The following FSHB variants were observed in gnomAD, a reference collection of about 807,000 sequenced individuals.
FSHB encodes follicle stimulating hormone subunit beta.
A neutral mutation model predicts 12.1 loss-of-function variants in FSHB; 8 were observed. The observed-to-expected ratio is 0.66, with a 90% confidence interval of 0.39 to 1.19. The LOEUF (loss-of-function observed/expected upper bound fraction) is 1.19. FSHB is among the 50% of genes most tolerant of loss of function. The pLI, the probability that FSHB is intolerant of heterozygous loss-of-function variation, is 0.01. For synonymous variants in FSHB, 55 were observed against 54.6 expected (o/e 1.01, Z -0.04); for missense variants, 153 against 157.2 (o/e 0.97, Z 0.14).
rs1015758826 is a variant in FSHB, at chr11:30,233,492, A to G, written c.160-78A>G. On this transcript the variant is annotated intron_variant, in intron 2 of 2. Coordinates refer to ENST00000533718, the MANE Select transcript of FSHB (RefSeq NM_001382289.1). ...GTAAATGTTAGAGCAAGCAGTATTCAATTTCTGTCTCATTTTGACTAAGCT... is the reference window on the plus strand; with the variant it reads ...GTAAATGTTAGAGCAAGCAGTATTCGATTTCTGTCTCATTTTGACTAAGCT... 3 of 1,102,536 alleles carry G rather than the reference A, an allele frequency of 2.7e-6. No individual in the cohort carries two copies. The African/African-American group carries it at 4.6e-5, about 17-fold the overall frequency. The allele number at this position is 1,102,536 out of a possible 1,614,324, so 68.3% of individuals were successfully genotyped here.
chr11:30,232,822 C>T (rs543626695), intron 2 of FSHB, among the ~76,000 whole-genome samples: 91 of 152,208 alleles, frequency 6.0e-4, no homozygotes, highest in Non-Finnish European at 9.9e-4. Flanking sequence ...CTTTATTTGA[C>T]GGTAAATGAG....
At chr11:30,232,127 T>C (rs1852017003) in intron 2 of FSHB, 66 bp downstream of exon 2, 1 of 1,500,930 alleles carries the variant, frequency 6.7e-7, no homozygotes, top group Non-Finnish European at 9.2e-7. Context: ...TTCATTAGTT[T>C]CTACTTTATC....
intron 1 of FSHB, 126 bp downstream of exon 1, chr11:30,231,174 C>T (rs1250562672): frequency 1.3e-5 from 2 of 152,214 alleles, no homozygotes; most frequent in Admixed American, 6.5e-5. Flanking sequence ...TGCTTGTCAA[C>T]CTGGCTTGTA....
rs1852053879 is a variant in FSHB at position 30,234,360 on chromosome 11, C to A, written c.*560C>A. The stretch of plus-strand genomic sequence containing the variant: ...GCTGATGAGGCTGCCCGCAGCCACA[C>A]CAGTCCCATGAAAGTTAGTGGCATC... On this transcript the variant is annotated 3_prime_UTR_variant, in exon 3 of 3. Transcript: ENST00000533718. The A allele has an allele frequency of 6.1e-6, 1 of 164,484 alleles. No individual in the cohort carries two copies. Among genetic ancestry groups the A allele is most frequent in the Admixed American group, 5.6e-5 (1 of 17,730 alleles). 10.2% of individuals were successfully genotyped at this position (164,484 alleles called of 1,614,324 possible).
chr11:30,232,161 C>G (rs1021507184), intron 2 of FSHB, 100 bp downstream of exon 2: 9 of 1,213,056 alleles, frequency 7.4e-6, no homozygotes, highest in Non-Finnish European at 1.1e-5. Context: ...TTCTAAGTAA[C>G]AGCCATGAGT....
rs2133652972 is a variant in FSHB, at chr11:30,234,969, A to T, written c.*1169A>T. The T allele has an allele frequency of 6.6e-6, 1 of 152,280 alleles. No homozygotes were observed. Among genetic ancestry groups the T allele is most frequent in the South Asian group, 2.1e-4 (1 of 4,826 alleles). 9.4% of individuals were successfully genotyped at this position (152,280 alleles called of 1,614,324 possible). A position where few individuals can be genotyped will look rare whatever the true frequency, so the allele number is the denominator to read the frequency against. ...TGTTAACTGTCTTAGTTATGCACTC[A>T]GTTTCACACTCATATTGTTTAACTA... On this transcript the variant is annotated 3_prime_UTR_variant, in exon 3 of 3. Coordinates refer to ENST00000533718, the MANE Select transcript of FSHB (RefSeq NM_001382289.1).
rs1348443111 is a variant in FSHB, at chr11:30,234,743, T to C, written c.*943T>C. On this transcript the variant is annotated 3_prime_UTR_variant, in exon 3 of 3. Transcript: ENST00000533718. ...GTTTCAGCAATTTAATAAATATAAT[T>C]AATTTGTCTACAAATATATTTGTAT... is the stretch of plus-strand genomic sequence containing the variant. 6.6e-6 allele frequency: 1 copy of C among 152,170 alleles called. No homozygotes were observed. The highest frequency in any genetic ancestry group is 2.4e-5 in the African/African-American group (1 of 41,428). The allele number at this position is 152,170 out of a possible 1,614,324, so 9.4% of individuals were successfully genotyped here.
Position 30,233,721 on chromosome 11 carries a change from AG to A in FSHB, c.312del (p.Lys104AsnfsTer24), listed in dbSNP as rs1187347919. ...GTGGCCACCCAGTGTCACTGTGGCA[AG>A]TGTGACAGCGACAGCACTGATTGTA... is the stretch of plus-strand genomic sequence containing the variant. ...YPVATQCHCG[K>X]CDSDSTDCTV... On this transcript the variant is annotated frameshift_variant, in exon 3 of 3. Coordinates refer to ENST00000533718, the MANE Select transcript of FSHB (RefSeq NM_001382289.1). LOFTEE classifies it high-confidence loss of function. The A allele has an allele frequency of 6.2e-7, 1 of 1,614,066 alleles. No homozygotes were observed. The highest frequency in any genetic ancestry group is 8.5e-7 in the Non-Finnish European group (1 of 1,179,948).
chr11:30,232,085 G>C (rs766088508), intron 2 of FSHB, 24 bp downstream of exon 2: 1 of 1,613,058 alleles, frequency 6.2e-7, no homozygotes, highest in Non-Finnish European at 8.5e-7. Context: ...TTTGCTGGAA[G>C]CAAGGGTGTT....
rs956201179 is a variant in FSHB, at chr11:30,233,902, CA to C, written c.*103del. The C allele has an allele frequency of 1.1e-6, 1 of 923,958 alleles. No individual in the cohort carries two copies. The highest frequency in any genetic ancestry group is 1.6e-5 in the African/African-American group (1 of 61,320). 57.2% of individuals were successfully genotyped at this position (923,958 alleles called of 1,614,324 possible). A position where few individuals can be genotyped will look rare whatever the true frequency, so the allele number is the denominator to read the frequency against. Reference sequence around the variant, plus strand: ...GTGCCCAGGGGACAAACCACTGGATCAGGGGATTCAGACTCTACTGATCCCT... The same window carrying C: ...GTGCCCAGGGGACAAACCACTGGATCGGGGATTCAGACTCTACTGATCCCT... On this transcript the variant is annotated 3_prime_UTR_variant, in exon 3 of 3. Coordinates refer to ENST00000533718, the MANE Select transcript of FSHB (RefSeq NM_001382289.1).
At chr11:30,232,924 T>C (rs1852028526) in intron 2 of FSHB, among the ~76,000 whole-genome samples, 1 of 152,176 alleles carries the variant, frequency 6.6e-6, no homozygotes, top group South Asian at 2.1e-4. Flanking sequence ...AAGCCCCAAT[T>C]TCTCTACGCA....
At chr11:30,232,317 C>T (rs1231178764) in intron 2 of FSHB, among the ~76,000 whole-genome samples, 1 of 152,080 alleles carries the variant, frequency 6.6e-6, no homozygotes, top group Non-Finnish European at 1.5e-5. Flanking sequence ...TTTGCATCTA[C>T]AGGGAAAAAG....
chr11:30,231,602 A>C (rs1852006726), intron 1 of FSHB, among the ~76,000 whole-genome samples: 1 of 152,244 alleles, frequency 6.6e-6, no homozygotes, highest in Non-Finnish European at 1.5e-5. Context: ...ACTTTATGAC[A>C]GTCAGCAATA....
rs868461621 is a variant in FSHB, at chr11:30,233,484, C to T, written c.160-86C>T. On this transcript the variant is annotated intron_variant, in intron 2 of 2. Transcript: ENST00000533718. ...TTTAATGGGTAAATGTTAGAGCAAGCAGTATTCAATTTCTGTCTCATTTTG... is the reference window on the plus strand; with the variant it reads ...TTTAATGGGTAAATGTTAGAGCAAGTAGTATTCAATTTCTGTCTCATTTTG... 22 of 971,270 alleles carry T rather than the reference C, an allele frequency of 2.3e-5. No individual in the cohort carries two copies. The Middle Eastern group carries it at 1.3e-3, about 59-fold the overall frequency. The allele number at this position is 971,270 out of a possible 1,614,324, so 60.2% of individuals were successfully genotyped here.
At position 30,235,143 on chromosome 11, in the gene FSHB, A is replaced by G. The variant is rs1852065460; in HGVS notation, c.*1343A>G. The G allele has an allele frequency of 6.6e-6, 1 of 152,172 alleles. No individual in the cohort carries two copies. Among genetic ancestry groups the G allele is most frequent in the Admixed American group, 6.6e-5 (1 of 15,258 alleles). 9.4% of individuals were successfully genotyped at this position (152,172 alleles called of 1,614,324 possible). A position where few individuals can be genotyped will look rare whatever the true frequency, so the allele number is the denominator to read the frequency against. On this transcript the variant is annotated 3_prime_UTR_variant, in exon 3 of 3. Coordinates refer to ENST00000533718, the MANE Select transcript of FSHB (RefSeq NM_001382289.1). ...TTAAAATATAATTCCCAGTGTTTCT[A>G]TAAATATTACCTTTCCTTATCTTTG...
chr11:30,234,093 C>T lies in FSHB; in HGVS notation c.*293C>T, dbSNP rs998439140. 4 of 390,638 alleles carry T rather than the reference C, an allele frequency of 1.0e-5. No individual in the cohort carries two copies. The highest frequency in any genetic ancestry group is 2.0e-5 in the Non-Finnish European group (4 of 204,986). 24.2% of individuals were successfully genotyped at this position (390,638 alleles called of 1,614,324 possible). On this transcript the variant is annotated 3_prime_UTR_variant, in exon 3 of 3. Coordinates refer to ENST00000533718, the MANE Select transcript of FSHB (RefSeq NM_001382289.1). Reference sequence around the variant, plus strand: ...TAAAAATCTTAGAAATCTTCTCAGGCAATGCCTCTCTCTTAGGGGGAAACA... The same window carrying T: ...TAAAAATCTTAGAAATCTTCTCAGGTAATGCCTCTCTCTTAGGGGGAAACA...
chr11:30,231,832 C>A, intron 1 of FSHB, 34 bp from the exon 2 acceptor site: 1 of 1,570,920 alleles, frequency 6.4e-7, no homozygotes, highest in Non-Finnish European at 8.8e-7. Context: ...GTTTGGTCAG[C>A]TTACATAATG....
intron 2 of FSHB, 112 bp downstream of exon 2, chr11:30,232,173 C>A (rs1852017633): frequency 9.2e-7 from 1 of 1,089,632 alleles, no homozygotes; most frequent in African/African-American, 1.6e-5. Context: ...GCCATGAGTC[C>A]TTTAGCCAAG....
At chr11:30,231,756 A>T in intron 1 of FSHB, 110 bp from the exon 2 acceptor site, 1 of 794,628 alleles carries the variant, frequency 1.3e-6, no homozygotes, top group Non-Finnish European at 2.1e-6. Flanking sequence ...AAAAAGGCAT[A>T]AGGAAGGAAA....
Sources: gnomAD v4.1 joint callset for allele counts (sites outside exome capture counted in the v4.1 genomes callset) on GRCh38, gnomAD v4.1.1 for gene constraint, MANE v1.5 for transcripts, NCBI Gene and HGNC (gene_info 2026-07-23, HGNC 2026-07-21) for gene names.